SLC36A1: variants seen among roughly 807,000 people sequenced by gnomAD.
SLC36A1 encodes the protein solute carrier family 36 member 1.
SLC36A1 carries 30 observed loss-of-function variants against 47.5 expected under a neutral mutation model. The observed-to-expected ratio is 0.63, with a 90% CI of 0.47 to 0.86. The LOEUF is 0.86. Among genes scored for constraint, SLC36A1 ranks in the 40% least tolerant of loss-of-function variants. The pLI, the probability that SLC36A1 is intolerant of heterozygous loss-of-function variation, is 0.00. For synonymous variants in SLC36A1, 255 were observed against 249.7 expected, an observed-to-expected ratio of 1.02 and a Z score of -0.20; for missense variants, 517 against 606.0, an observed-to-expected ratio of 0.85 and a Z score of 1.54.
chr5:151,481,278 G>A (rs1172144948), intron 10 of SLC36A1, among the ~76,000 whole-genome samples: 1 of 152,172 alleles, frequency 6.6e-6, no homozygotes, highest in Non-Finnish European at 1.5e-5. Context: ...TTGTGACTTA[G>A]CATTGCATTG....
chr5:151,501,411 G>C, the SLC36A1 span, among the ~76,000 whole-genome samples: 3 of 149,704 alleles, frequency 2.0e-5, 1 homozygote, highest in African/African-American at 7.7e-5. Context: ...TGGTTGCCTG[G>C]TGAAGTCACA....
chr5:151,441,190 A>C (rs1752606245), intron 1 of SLC36A1, among the ~76,000 whole-genome samples: 1 of 152,204 alleles, frequency 6.6e-6, no homozygotes, highest in Admixed American at 6.5e-5. Flanking sequence ...AGTCCCAACT[A>C]CTCAGGAGGC....
the SLC36A1 span, chr5:151,505,692 G>C: frequency 1.9e-6 from 3 of 1,614,100 alleles, no homozygotes; most frequent in South Asian, 3.3e-5. Context: ...GACAGCATAA[G>C]AGGGCCCAGC....
At chr5:151,525,617 G>C in the SLC36A1 span, 1 of 760,962 alleles carries the variant, frequency 1.3e-6, no homozygotes, top group Non-Finnish European at 2.1e-6. Flanking sequence ...AGTGTTATGA[G>C]GCTTTAGTCC....
the SLC36A1 span, among the ~76,000 whole-genome samples, chr5:151,371,733 A>G: frequency 6.6e-6 from 1 of 152,308 alleles, no homozygotes; most frequent in South Asian, 2.1e-4. Flanking sequence ...TTTAGTTTTT[A>G]GTTTTTTAAA....
chr5:151,450,003 C>T (rs535852536), intron 1 of SLC36A1, among the ~76,000 whole-genome samples: 1 of 136,402 alleles, frequency 7.3e-6, no homozygotes, highest in Admixed American at 7.7e-5. Context: ...AGCAGGTGTC[C>T]ACTTAGTGGC....
chr5:151,551,620 G>A, the SLC36A1 span: 2,596 of 1,613,632 alleles, frequency 1.6e-3, 30 homozygotes, highest in African/African-American at 0.03. Flanking sequence ...GAGTGGGAGT[G>A]GGGAGAAAGC....
At chr5:151,523,249 A>G in the SLC36A1 span, among the ~76,000 whole-genome samples, 41 of 152,208 alleles carry the variant, frequency 2.7e-4, no homozygotes, top group Middle Eastern at 3.4e-3. Flanking sequence ...TATAGCTAAC[A>G]TTAGTTACAA....
the SLC36A1 span, chr5:151,546,253 G>A: frequency 1.2e-6 from 2 of 1,614,116 alleles, no homozygotes; most frequent in South Asian, 2.2e-5. Flanking sequence ...CAGAGTATGT[G>A]GGGCATGATT....
downstream of SLC36A1, among the ~76,000 whole-genome samples, chr5:151,495,742 TTAATAA>T (rs768642689): frequency 3.3e-5 from 5 of 152,194 alleles, no homozygotes; most frequent in South Asian, 1.0e-3. Context: ...ATTCATGAAA[TTAATAA>T]TAATAATTCA....
At chr5:151,536,165 T>C in the SLC36A1 span, among the ~76,000 whole-genome samples, 4 of 152,110 alleles carry the variant, frequency 2.6e-5, 1 homozygote, top group Non-Finnish European at 5.9e-5. Context: ...TTCTGCATAA[T>C]ACATACCTAC....
intron 7 of SLC36A1, among the ~76,000 whole-genome samples, chr5:151,468,906 C>G (rs1002844922): frequency 2.6e-5 from 4 of 152,044 alleles, no homozygotes; most frequent in African/African-American, 7.2e-5. Context: ...GTTCCTTGCC[C>G]TCACTTAACC....
chr5:151,554,821 C>G, the SLC36A1 span: 2 of 665,668 alleles, frequency 3.0e-6, no homozygotes, highest in Non-Finnish European at 5.0e-6. Flanking sequence ...GAACTCAGCT[C>G]TCTGGCAACT....
chr5:151,417,819 G>A, the SLC36A1 span, among the ~76,000 whole-genome samples: 2 of 152,366 alleles, frequency 1.3e-5, no homozygotes, highest in East Asian at 3.9e-4. Context: ...GGAGCCAAAT[G>A]TTAATCACCA....
upstream of SLC36A1, among the ~76,000 whole-genome samples, chr5:151,446,770 T>C (rs1752949125): frequency 6.6e-6 from 1 of 152,236 alleles, no homozygotes; most frequent in Admixed American, 6.5e-5. Context: ...GTTCTGTATA[T>C]ATCTGTTAGG....
the SLC36A1 span, among the ~76,000 whole-genome samples, chr5:151,424,972 A>G: frequency 6.6e-6 from 1 of 152,220 alleles, no homozygotes; most frequent in South Asian, 2.1e-4. Flanking sequence ...TGAATAAATT[A>G]TATGGTGTAT....
chr5:151,367,374 T>TTTTTTTCC, the SLC36A1 span, among the ~76,000 whole-genome samples: 54 of 145,532 alleles, frequency 3.7e-4, 2 homozygotes, highest in African/African-American at 1.2e-3. Context: ...TTTTTTTTTT[T>TTTTTTTCC]CCCCAGGGTA....
chr5:151,410,663 C>A, the SLC36A1 span, among the ~76,000 whole-genome samples: 2 of 143,516 alleles, frequency 1.4e-5, 1 homozygote, highest in South Asian at 5.1e-4. Flanking sequence ...TAACTTTCGC[C>A]TTTTATTTTT....
At chr5:151,508,071 T>TTACA in the SLC36A1 span, among the ~76,000 whole-genome samples, 1 of 152,180 alleles carries the variant, frequency 6.6e-6, no homozygotes, top group Non-Finnish European at 1.5e-5. Context: ...ATCAGCCACC[T>TTACA]TACAATGGGC....
Sources: allele counts gnomAD v4.1 joint callset (sites outside exome capture counted in the v4.1 genomes callset), GRCh38; gene constraint gnomAD v4.1.1; transcripts MANE v1.5; gene names NCBI Gene and HGNC (gene_info 2026-07-23, HGNC 2026-07-21).